Variants in SMOC1 observed in about 807,000 individuals in gnomAD.
The protein encoded by SMOC1 is SPARC related modular calcium binding 1, also known as SPARC-related modular calcium-binding protein 1.
Under a neutral mutation model 56.3 loss-of-function variants are expected in SMOC1, and 22 were observed. The ratio of observed to expected loss-of-function variants is 0.39; its 90% CI spans 0.28 to 0.56. The LOEUF is 0.56. Ranked by LOEUF, SMOC1 falls within the 20% of genes least tolerant of loss-of-function variation. The pLI, the probability that SMOC1 is intolerant of heterozygous loss-of-function variation, is 0.61. For synonymous variants in SMOC1, 193 were observed against 215.0 expected, an observed-to-expected ratio of 0.90 and a Z score of 0.89; for missense variants, 509 against 565.4, an observed-to-expected ratio of 0.90 and a Z score of 1.01.
chr14:70,007,510 C>G (rs1594852168), intron 7 of SMOC1, among the ~76,000 whole-genome samples: 1 of 152,226 alleles, frequency 6.6e-6, no homozygotes, highest in Non-Finnish European at 1.5e-5. Flanking sequence ...GTGTCCAGCA[C>G]ATTTGATTTT....
At position 69,965,640 on chromosome 14, in the gene SMOC1, G is replaced by C. The variant is rs192423475; in HGVS notation, c.379-10075G>C. The stretch of plus-strand genomic sequence containing the variant: ...CCATCCTGGAAAGTGGGCAATCAGA[G>C]ACCAAGTGGATATCCATCAGCTGTG... On this transcript the variant is annotated intron_variant, in intron 3 of 11. Transcript: ENST00000361956. 1.5e-4 allele frequency among the ~76,000 whole-genome samples: 23 copies of C among 152,286 alleles called. 1 individual carries two copies. The East Asian group carries it at 4.3e-3, about 28-fold the overall frequency.
At chr14:69,931,361 T>C (rs916540069) in intron 1 of SMOC1, among the ~76,000 whole-genome samples, 7 of 152,214 alleles carry the variant, frequency 4.6e-5, no homozygotes, top group Admixed American at 1.3e-4. Flanking sequence ...AACTCCTCCT[T>C]CTCCAAGACC....
At chr14:69,944,668 G>A (rs546678373) in intron 1 of SMOC1, among the ~76,000 whole-genome samples, 5 of 152,242 alleles carry the variant, frequency 3.3e-5, no homozygotes, top group South Asian at 2.1e-4. Flanking sequence ...CACATTGGCC[G>A]TTAAATTGTC....
intron 1 of SMOC1, among the ~76,000 whole-genome samples, chr14:69,896,203 C>G (rs1884095368): frequency 2.6e-5 from 4 of 152,162 alleles, no homozygotes; most frequent in Admixed American, 2.6e-4. Context: ...AATTCACCTC[C>G]CATCTCAATG....
At chr14:69,944,948 G>C (rs1882727394) in intron 1 of SMOC1, among the ~76,000 whole-genome samples, 1 of 152,234 alleles carries the variant, frequency 6.6e-6, no homozygotes. Flanking sequence ...TATTATCTAA[G>C]AGATAGATGT....
chr14:69,993,084 T>G (rs1594843731), intron 6 of SMOC1, among the ~76,000 whole-genome samples: 2 of 152,054 alleles, frequency 1.3e-5, no homozygotes, highest in South Asian at 4.2e-4. Flanking sequence ...CCAGGCAGGG[T>G]GCTGGCATGG....
chr14:69,953,558 G>C (rs1343536386), intron 3 of SMOC1, 26 bp downstream of exon 3: 1 of 1,595,990 alleles, frequency 6.3e-7, no homozygotes, highest in Non-Finnish European at 8.6e-7. Flanking sequence ...ATCCTCTTGG[G>C]CTCTTTCCTG....
intron 1 of SMOC1, 60 bp downstream of exon 1, chr14:69,879,837 CATCCCTG>C: frequency 7.0e-7 from 1 of 1,418,694 alleles, no homozygotes; most frequent in Non-Finnish European, 9.5e-7. Flanking sequence ...CTTCCCCCCT[CATCCCTG>C]AGGGAAGGAG....
At chr14:69,978,755 T>C (rs1186891916) in intron 5 of SMOC1, among the ~76,000 whole-genome samples, 2 of 152,148 alleles carry the variant, frequency 1.3e-5, no homozygotes, top group Non-Finnish European at 2.9e-5. Context: ...ATGGCACTTT[T>C]CCCTGCTTTT....
chr14:70,006,858 G>A (rs1233696006), intron 7 of SMOC1, among the ~76,000 whole-genome samples: 4 of 152,172 alleles, frequency 2.6e-5, no homozygotes, highest in Admixed American at 2.6e-4. Flanking sequence ...TCCTTGTGAT[G>A]ATCTTAGGGC....
chr14:69,972,185 G>C (rs1245697903), intron 3 of SMOC1, among the ~76,000 whole-genome samples: 1 of 152,204 alleles, frequency 6.6e-6, no homozygotes, highest in African/African-American at 2.4e-5. Context: ...TTAAGTGGCG[G>C]AGCTGGGAGG....
intron 7 of SMOC1, among the ~76,000 whole-genome samples, chr14:69,999,740 G>A (rs529796736): frequency 3.0e-4 from 46 of 152,208 alleles, no homozygotes; most frequent in African/African-American, 8.2e-4. Flanking sequence ...TTCCCTTTGC[G>A]GAGAGAAGCA....
intron 1 of SMOC1, among the ~76,000 whole-genome samples, chr14:69,899,550 G>A (rs548442512): frequency 1.1e-3 from 168 of 152,300 alleles, no homozygotes; most frequent in African/African-American, 3.9e-3. Context: ...TATACTTCCT[G>A]TAGAACTATG....
At chr14:70,009,206 C>G (rs1594853083) in intron 7 of SMOC1, among the ~76,000 whole-genome samples, 1 of 152,202 alleles carries the variant, frequency 6.6e-6, no homozygotes, top group Non-Finnish European at 1.5e-5. Flanking sequence ...TATGTGCCTG[C>G]CTCCTGGCCC....
chr14:70,012,210 ACTGAAAGCAGAGAGTT>A (rs369106647), intron 9 of SMOC1, among the ~76,000 whole-genome samples: 295 of 152,352 alleles, frequency 1.9e-3, no homozygotes, highest in African/African-American at 6.9e-3. Flanking sequence ...CCAAGTGAGA[ACTGAAAGCAGAGAGTT>A]CTAAGAGTCA....
At chr14:69,961,539 C>T (rs1320850884) in intron 3 of SMOC1, among the ~76,000 whole-genome samples, 3 of 151,612 alleles carry the variant, frequency 2.0e-5, no homozygotes, top group South Asian at 2.1e-4. Context: ...CACCATTGCA[C>T]TTGGCTAAAT....
intron 1 of SMOC1, among the ~76,000 whole-genome samples, chr14:69,922,626 C>G (rs1399729931): frequency 6.6e-6 from 1 of 152,190 alleles, no homozygotes; most frequent in African/African-American, 2.4e-5. Context: ...TGGGCCCCCT[C>G]CAGACCTAGT....
chr14:69,928,542 A>G (rs1363504408), intron 1 of SMOC1, among the ~76,000 whole-genome samples: 1 of 151,466 alleles, frequency 6.6e-6, no homozygotes, highest in Non-Finnish European at 1.5e-5. Context: ...CCAGCTCTGG[A>G]TCTTCCTGAT....
At chr14:69,984,116 G>C (rs557368011) in intron 5 of SMOC1, among the ~76,000 whole-genome samples, 1 of 152,282 alleles carries the variant, frequency 6.6e-6, no homozygotes, top group Admixed American at 6.5e-5. Flanking sequence ...GGTATTTGTG[G>C]AGTAACAGAT....
Sources: allele counts gnomAD v4.1 joint callset (sites outside exome capture counted in the v4.1 genomes callset), GRCh38; gene constraint gnomAD v4.1.1; transcripts MANE v1.5; gene names NCBI Gene and HGNC (gene_info 2026-07-23, HGNC 2026-07-21).